The following GRAMD2B variants were observed in gnomAD, a reference collection of about 807,000 sequenced individuals.
GRAMD2B encodes GRAM domain containing 2B, also known as GRAM domain-containing protein 2B.
Under a neutral mutation model 59.2 loss-of-function variants are expected in GRAMD2B, and 41 were observed. The ratio of observed to expected loss-of-function variants is 0.69; its 90% confidence interval spans 0.54 to 0.90. GRAMD2B has a LOEUF of 0.90. GRAMD2B is among the 40% of genes least tolerant of loss of function. The pLI, the probability that GRAMD2B is intolerant of heterozygous loss-of-function variation, is 0.00. For synonymous variants in GRAMD2B, 161 were observed against 182.7 expected, an observed-to-expected ratio of 0.88 and a Z score of 0.96; for missense variants, 424 against 500.5, an observed-to-expected ratio of 0.85 and a Z score of 1.46.
chr5:126,437,524 G>A (rs1413745649), intron 1 of GRAMD2B, among the ~76,000 whole-genome samples: 1 of 152,136 alleles, frequency 6.6e-6, no homozygotes, highest in Non-Finnish European at 1.5e-5. Context: ...ATGAGAGTGG[G>A]TCCAATTTCC....
At chr5:126,484,272 C>A (rs932445593) in intron 9 of GRAMD2B, 130 bp from the exon 10 acceptor site, 1 of 1,047,096 alleles carries the variant, frequency 9.6e-7, no homozygotes, top group Non-Finnish European at 1.4e-6. Flanking sequence ...GCCACCACAA[C>A]TAACTTGTGA....
At chr5:126,488,088 C>A (rs1197005688) in intron 12 of GRAMD2B, among the ~76,000 whole-genome samples, 1 of 152,142 alleles carries the variant, frequency 6.6e-6, no homozygotes, top group Non-Finnish European at 1.5e-5. Context: ...ATAGGAATTA[C>A]CTTTAGGTGG....
upstream of GRAMD2B, among the ~76,000 whole-genome samples, chr5:126,418,491 C>T (rs1355008512): frequency 6.6e-6 from 1 of 152,166 alleles, no homozygotes; most frequent in Non-Finnish European, 1.5e-5. Flanking sequence ...GAGTGCTAAG[C>T]ATAGTGGTTG....
At chr5:126,483,780 T>C in intron 9 of GRAMD2B, 1 of 537,708 alleles carries the variant, frequency 1.9e-6, no homozygotes, top group South Asian at 2.7e-5. Flanking sequence ...TCATTTGCTT[T>C]TATGCACATT....
At chr5:126,456,827 C>A (rs1242690226) in intron 1 of GRAMD2B, among the ~76,000 whole-genome samples, 1 of 152,164 alleles carries the variant, frequency 6.6e-6, no homozygotes, top group Non-Finnish European at 1.5e-5. Flanking sequence ...CATTTTACCT[C>A]CCCCTTTGTT....
intron 1 of GRAMD2B, among the ~76,000 whole-genome samples, chr5:126,405,595 A>G (rs1405111183): frequency 1.3e-5 from 2 of 151,826 alleles, no homozygotes; most frequent in African/African-American, 4.8e-5. Flanking sequence ...AATTCACCTA[A>G]GTCTAGTGAA....
intron 1 of GRAMD2B, among the ~76,000 whole-genome samples, chr5:126,365,106 C>A (rs930027540): frequency 6.6e-6 from 1 of 152,084 alleles, no homozygotes; most frequent in Admixed American, 6.6e-5. Context: ...CTGAGGATTA[C>A]AGATGATATT....
intron 1 of GRAMD2B, among the ~76,000 whole-genome samples, chr5:126,362,643 TTC>T (rs1261660860): frequency 6.6e-6 from 1 of 152,206 alleles, no homozygotes; most frequent in Non-Finnish European, 1.5e-5. Flanking sequence ...CTGAATACAT[TTC>T]TATGTATATT....
intron 1 of GRAMD2B, among the ~76,000 whole-genome samples, chr5:126,449,800 G>A (rs1024082401): frequency 2.6e-5 from 4 of 152,168 alleles, no homozygotes; most frequent in Non-Finnish European, 5.9e-5. Context: ...GTGGGATATG[G>A]CATGAGACCG....
At chr5:126,488,059 T>C (rs1773277659) in intron 12 of GRAMD2B, among the ~76,000 whole-genome samples, 1 of 152,226 alleles carries the variant, frequency 6.6e-6, no homozygotes, top group African/African-American at 2.4e-5. Context: ...TATACCATTC[T>C]AGGACCTTTC....
At chr5:126,377,984 C>T (rs1755346426) in intron 1 of GRAMD2B, among the ~76,000 whole-genome samples, 1 of 152,140 alleles carries the variant, frequency 6.6e-6, no homozygotes, top group South Asian at 2.1e-4. Context: ...GGACTATATA[C>T]TCGATAATGC....
upstream of GRAMD2B, among the ~76,000 whole-genome samples, chr5:126,420,070 A>AATAG (rs1331581210): frequency 6.8e-6 from 1 of 148,130 alleles, no homozygotes; most frequent in African/African-American, 2.6e-5. Context: ...AAAAAAAAAA[A>AATAG]AAAGAAAGAA....
At chr5:126,443,712 A>C (rs1380512239) in intron 1 of GRAMD2B, among the ~76,000 whole-genome samples, 2 of 152,204 alleles carry the variant, frequency 1.3e-5, no homozygotes, top group African/African-American at 4.8e-5. Flanking sequence ...GACTTCATGC[A>C]TGCATGTTGT....
At chr5:126,476,396 G>C (rs1770638023) in intron 5 of GRAMD2B, among the ~76,000 whole-genome samples, 1 of 152,212 alleles carries the variant, frequency 6.6e-6, no homozygotes, top group Non-Finnish European at 1.5e-5. Flanking sequence ...CCTAGGGAAG[G>C]GGGAAGTCAG....
At chr5:126,414,846 G>A (rs1340426965) in intron 1 of GRAMD2B, among the ~76,000 whole-genome samples, 2 of 152,080 alleles carry the variant, frequency 1.3e-5, no homozygotes, top group Non-Finnish European at 2.9e-5. Context: ...TATCTTCTCA[G>A]GTGAATAGAC....
rs533032586 is a variant in GRAMD2B, at chr5:126,484,830, C to T, written c.970+306C>T. On this transcript the variant is annotated intron_variant, in intron 10 of 13. Transcript: ENST00000285689. ...AACTCCTGACCTCTAGTGATCCACC[C>T]GCCTCAGCCTCCCAAAATGCTGAGA... Among the ~76,000 whole-genome samples, 15 of 152,254 alleles carry T rather than the reference C, an allele frequency of 9.9e-5. No homozygotes were observed. In the South Asian group the frequency reaches 2.7e-3, roughly 27 times the overall value.
chr5:126,472,355 C>G, intron 4 of GRAMD2B, 51 bp downstream of exon 4: 2 of 1,476,410 alleles, frequency 1.4e-6, no homozygotes, highest in Non-Finnish European at 1.9e-6. Context: ...AAAAGTTGAT[C>G]ATTAGTTTTG....
At chr5:126,427,719 G>T (rs1450599748) in intron 1 of GRAMD2B, among the ~76,000 whole-genome samples, 1 of 152,164 alleles carries the variant, frequency 6.6e-6, no homozygotes, top group Non-Finnish European at 1.5e-5. Flanking sequence ...ATCCATCTTT[G>T]TGCATGGCAT....
At chr5:126,391,541 A>T (rs1756785652) in intron 1 of GRAMD2B, among the ~76,000 whole-genome samples, 1 of 152,180 alleles carries the variant, frequency 6.6e-6, no homozygotes, top group African/African-American at 2.4e-5. Context: ...AGACAACTCA[A>T]ATGTCATCTA....
Sources: gnomAD v4.1 joint callset for allele counts (sites outside exome capture counted in the v4.1 genomes callset) on GRCh38, gnomAD v4.1.1 for gene constraint, MANE v1.5 for transcripts, NCBI Gene and HGNC (gene_info 2026-07-23, HGNC 2026-07-21) for gene names.